The following TMCO5A variants were observed in gnomAD, a reference collection of about 807,000 sequenced individuals.
The protein encoded by TMCO5A is transmembrane and coiled-coil domains 5A.
Under a neutral mutation model 42.3 loss-of-function variants are expected in TMCO5A, and 34 were observed. That is an observed-to-expected ratio of 0.80 (90% CI 0.61 to 1.07). The LOEUF (loss-of-function observed/expected upper bound fraction) is 1.07, where lower values mean the gene tolerates loss of function less well. Among genes scored for constraint, TMCO5A ranks in the 50% least tolerant of loss-of-function variants. The pLI, the probability that TMCO5A is intolerant of heterozygous loss-of-function variation, is 0.00. For missense variants in TMCO5A, 357 were observed against 327.9 expected, an observed-to-expected ratio of 1.09 and a Z score of -0.69; for synonymous variants, 131 against 115.6, an observed-to-expected ratio of 1.13 and a Z score of -0.86.
chr15:37,963,116 T>C (rs1027267422), intron 11 of TMCO5A, among the ~76,000 whole-genome samples: 6 of 152,160 alleles, frequency 3.9e-5, no homozygotes, highest in African/African-American at 1.4e-4. Flanking sequence ...TGTTCTTGTT[T>C]CTGTAGTTCC....
chr15:37,937,534 C>A, intron 5 of TMCO5A, 138 bp downstream of exon 5: 1 of 846,780 alleles, frequency 1.2e-6, no homozygotes, highest in East Asian at 2.6e-5. Flanking sequence ...ACTCTCTAAT[C>A]CACTCTCCTG....
the TMCO5A span, among the ~76,000 whole-genome samples, chr15:38,011,138 A>G: frequency 1.3e-5 from 2 of 152,220 alleles, no homozygotes; most frequent in South Asian, 2.1e-4. Flanking sequence ...GAACCTGGGC[A>G]CAGCTTAGTT....
At chr15:38,027,604 T>A in the TMCO5A span, among the ~76,000 whole-genome samples, 1 of 152,102 alleles carries the variant, frequency 6.6e-6, no homozygotes, top group East Asian at 1.9e-4. Flanking sequence ...GGCATGATTG[T>A]GTTTTGAAAT....
the TMCO5A span, among the ~76,000 whole-genome samples, chr15:37,977,064 A>G: frequency 6.6e-6 from 1 of 152,056 alleles, no homozygotes; most frequent in Non-Finnish European, 1.5e-5. Flanking sequence ...GAGCCACCGC[A>G]TCCAGCCTGG....
At chr15:37,984,034 C>T in the TMCO5A span, among the ~76,000 whole-genome samples, 40 of 152,266 alleles carry the variant, frequency 2.6e-4, no homozygotes, top group East Asian at 6.0e-3. Context: ...CTTCTGAGGT[C>T]ATGAGAGGAT....
chr15:37,954,724 A>G (rs1890242002), downstream of TMCO5A, among the ~76,000 whole-genome samples: 1 of 152,146 alleles, frequency 6.6e-6, no homozygotes, highest in African/African-American at 2.4e-5. Context: ...CCAATCAAAA[A>G]TAATAACTAT....
chr15:37,936,460 A>T lies in TMCO5A; in HGVS notation c.137A>T (p.Gln46Leu). The T allele has an allele frequency of 6.2e-7, 1 of 1,611,874 alleles. No homozygotes were observed. Among genetic ancestry groups the T allele is most frequent in the Non-Finnish European group, 8.5e-7 (1 of 1,179,138 alleles). The change falls in exon 3 of 12, where the codon CAG becomes CTG. Residue 46 changes from glutamine (Q) to leucine (L), a missense_variant. Coordinates refer to ENST00000319669, the MANE Select transcript of TMCO5A (RefSeq NM_152453.4). ...ATCCAAGAGAGGGAAGATAAGATTCAGAGGTGAGTATTAAGGTTTCATGAG... is the reference window on the plus strand; with the variant it reads ...ATCCAAGAGAGGGAAGATAAGATTCTGAGGTGAGTATTAAGGTTTCATGAG... ...LKIQEREDKI[Q>L]RLESEIIQTR...
Position 37,941,636 on chromosome 15 carries a change from C to T in TMCO5A, c.445-35C>T, listed in dbSNP as rs200564657. ...TGCTTGTGTTCTTATAGCAATTTAC[C>T]GAAATATATTTACAACTAAATTTTG... is the stretch of plus-strand genomic sequence containing the variant. On this transcript the variant is annotated intron_variant, in intron 7 of 11. Coordinates refer to ENST00000319669, the MANE Select transcript of TMCO5A (RefSeq NM_152453.4). 193 of 1,503,142 alleles carry T rather than the reference C, an allele frequency of 1.3e-4. 1 individual carries two copies. The highest frequency in any genetic ancestry group is 5.1e-4 in the Middle Eastern group (3 of 5,880). 93.1% of individuals were successfully genotyped at this position (1,503,142 alleles called of 1,614,324 possible). A position where few individuals can be genotyped will look rare whatever the true frequency, so the allele number is the denominator to read the frequency against.
the TMCO5A span, among the ~76,000 whole-genome samples, chr15:38,024,378 C>CA: frequency 4.1e-3 from 625 of 152,072 alleles, 20 homozygotes; most frequent in East Asian, 0.068. Flanking sequence ...AAGTAACATG[C>CA]AAAAAACAAG....
the TMCO5A span, among the ~76,000 whole-genome samples, chr15:38,005,568 C>T: frequency 4.5e-4 from 69 of 151,838 alleles, no homozygotes; most frequent in Non-Finnish European, 6.8e-4. Flanking sequence ...CAGAGTAAGA[C>T]GCTGTCTCTA....
At chr15:38,011,351 T>C in the TMCO5A span, among the ~76,000 whole-genome samples, 4 of 152,108 alleles carry the variant, frequency 2.6e-5, no homozygotes, top group Non-Finnish European at 5.9e-5. Flanking sequence ...ATACAACAGC[T>C]TACAACACAG....
intron 11 of TMCO5A, 101 bp downstream of exon 11, chr15:37,947,797 C>T (rs577050610): frequency 1.6e-4 from 112 of 716,666 alleles, no homozygotes; most frequent in African/African-American, 1.5e-3. Context: ...CTTGTATATG[C>T]GTGTGCACAC....
intron 9 of TMCO5A, chr15:37,942,796 G>T (rs80197605): frequency 0.012 from 1,804 of 154,292 alleles, 37 homozygotes; most frequent in East Asian, 0.054. Context: ...CAATGAGTTT[G>T]TCAAGAGTCT....
chr15:38,013,599 C>A, the TMCO5A span, among the ~76,000 whole-genome samples: 3 of 152,178 alleles, frequency 2.0e-5, no homozygotes, highest in African/African-American at 7.2e-5. Context: ...TGATTCCCTG[C>A]ATGTCACCTT....
chr15:37,957,888 C>G (rs1890330163), intron 11 of TMCO5A, among the ~76,000 whole-genome samples: 1 of 151,974 alleles, frequency 6.6e-6, no homozygotes, highest in African/African-American at 2.4e-5. Flanking sequence ...GGTACCAAAA[C>G]AGATATATAG....
chr15:38,004,413 A>G, the TMCO5A span, among the ~76,000 whole-genome samples: 1 of 152,104 alleles, frequency 6.6e-6, no homozygotes, highest in Non-Finnish European at 1.5e-5. Context: ...GTGTGCCCCA[A>G]GTCCACTGGC....
At chr15:38,003,836 C>T in the TMCO5A span, among the ~76,000 whole-genome samples, 1 of 152,078 alleles carries the variant, frequency 6.6e-6, no homozygotes, top group African/African-American at 2.4e-5. Flanking sequence ...GAAATGCTGT[C>T]CAGGAGCCAA....
chr15:38,000,301 G>T, the TMCO5A span, among the ~76,000 whole-genome samples: 1 of 152,094 alleles, frequency 6.6e-6, no homozygotes, highest in Admixed American at 6.5e-5. Context: ...CCAATTTATT[G>T]GCATAAAGTT....
the TMCO5A span, among the ~76,000 whole-genome samples, chr15:38,039,005 TAAGTC>T: frequency 3.3e-5 from 5 of 152,162 alleles, no homozygotes; most frequent in Non-Finnish European, 7.4e-5. Flanking sequence ...TCTCCTCACT[TAAGTC>T]AGTCAGGAAT....
Sources: gnomAD v4.1 joint callset for allele counts (sites outside exome capture counted in the v4.1 genomes callset) on GRCh38, gnomAD v4.1.1 for gene constraint, MANE v1.5 for transcripts, NCBI Gene and HGNC (gene_info 2026-07-23, HGNC 2026-07-21) for gene names.